CYREN: variants seen among roughly 807,000 people sequenced by gnomAD.
CYREN encodes the protein cell cycle regulator of non-homologous end joining.
A neutral mutation model predicts 9.7 loss-of-function variants in CYREN; 7 were observed. The ratio of observed to expected loss-of-function variants is 0.72; its 90% CI spans 0.41 to 1.36. The LOEUF (loss-of-function observed/expected upper bound fraction) is 1.36, where lower values mean the gene tolerates loss of function less well. Ranked by LOEUF, CYREN falls within the 40% of genes most tolerant of loss-of-function variation. The pLI is 0.01. For synonymous variants in CYREN, 76 were observed against 77.9 expected (o/e 0.98, Z 0.13); for missense variants, 215 against 198.1 (o/e 1.09, Z -0.51).
intron 2 of CYREN, among the ~76,000 whole-genome samples, chr7:135,103,269 A>G (rs1824125101): frequency 6.6e-6 from 1 of 152,128 alleles, no homozygotes; most frequent in African/African-American, 2.4e-5. Context: ...ACTGCAGCAA[A>G]AAGAAATCAA....
chr7:135,171,093 G>A (rs969388873), upstream of CYREN, among the ~76,000 whole-genome samples: 67 of 152,280 alleles, frequency 4.4e-4, 1 homozygote, highest in African/African-American at 1.5e-3. Flanking sequence ...GAGGAGGATG[G>A]GAGCCCGGCC....
At chr7:135,159,253 A>T (rs148248986) in intron 2 of CYREN, among the ~76,000 whole-genome samples, 1 of 152,358 alleles carries the variant, frequency 6.6e-6, no homozygotes, top group East Asian at 1.9e-4. Flanking sequence ...ACCATGGTGG[A>T]GGCACATACT....
chr7:135,129,934 A>T (rs939952602), intron 2 of CYREN, among the ~76,000 whole-genome samples: 2 of 152,230 alleles, frequency 1.3e-5, no homozygotes, highest in Non-Finnish European at 2.9e-5. Flanking sequence ...CAGAATATTA[A>T]ATATTATAAT....
At chr7:135,167,550 G>A (rs1029604281) in intron 3 of CYREN, 182 bp downstream of exon 3, 24 of 1,429,938 alleles carry the variant, frequency 1.7e-5, no homozygotes, top group Middle Eastern at 5.2e-4. Context: ...GACACCCCAC[G>A]AGCGCACACC....
intron 2 of CYREN, among the ~76,000 whole-genome samples, chr7:135,141,003 T>G (rs554789843): frequency 6.6e-6 from 1 of 152,242 alleles, no homozygotes; most frequent in African/African-American, 2.4e-5. Context: ...TCAAGGATAT[T>G]GACCTGAAGT....
At chr7:135,094,425 C>G (rs1271027849) in exon 3 of CYREN, 1 of 456,648 alleles carries the variant, frequency 2.2e-6, no homozygotes, top group Non-Finnish European at 4.4e-6. Flanking sequence ...AACACTTAAA[C>G]AGTGATTTTA....
chr7:135,128,524 G>A (rs1828274084), intron 2 of CYREN: 5 of 763,302 alleles, frequency 6.6e-6, no homozygotes, highest in Non-Finnish European at 1.2e-5. Context: ...TAGAAAAGCA[G>A]TCTGTCCAAG....
chr7:135,109,709 GAAGAGA>G (rs1825330516), intron 2 of CYREN, among the ~76,000 whole-genome samples: 1 of 152,198 alleles, frequency 6.6e-6, no homozygotes, highest in African/African-American at 2.4e-5. Flanking sequence ...TCCTCCCAGT[GAAGAGA>G]AATGGGATCC....
rs1227568366 is a variant in CYREN at position 135,167,355 on chromosome 7, T to G, written c.213+377A>C. 4 of 1,094,094 alleles carry G rather than the reference T, an allele frequency of 3.7e-6. No individual in the cohort carries two copies. The African/African-American group carries it at 6.6e-5, about 18-fold the overall frequency. The allele number at this position is 1,094,094 out of a possible 1,614,324, so 67.8% of individuals were successfully genotyped here. On this transcript the variant is annotated intron_variant, in intron 3 of 3. Coordinates refer to ENST00000393114, the MANE Select transcript of CYREN (RefSeq NM_024033.4). ...CTGCAGGAAGCTAGGAAGCTCAGCA[T>G]CCTCTGCTCAGGAGAGGGGCAATGG...
intron 2 of CYREN, among the ~76,000 whole-genome samples, chr7:135,126,151 TCTC>T (rs1827837700): frequency 6.6e-6 from 1 of 152,090 alleles, no homozygotes; most frequent in African/African-American, 2.4e-5. Context: ...AACCCCAACA[TCTC>T]AGCCCCAAAA....
At chr7:135,147,448 T>G (rs1384523558) in intron 2 of CYREN, among the ~76,000 whole-genome samples, 1 of 152,198 alleles carries the variant, frequency 6.6e-6, no homozygotes, top group Non-Finnish European at 1.5e-5. Flanking sequence ...AGTTGAAATT[T>G]CCAGTTGGTC....
intron 2 of CYREN, among the ~76,000 whole-genome samples, chr7:135,126,689 G>C (rs1562902567): frequency 6.6e-6 from 1 of 152,010 alleles, no homozygotes; most frequent in African/African-American, 2.4e-5. Context: ...CAATGCAACA[G>C]AACGGAGACC....
At chr7:135,111,547 AG>A (rs747900195) in intron 2 of CYREN, among the ~76,000 whole-genome samples, 44 of 151,962 alleles carry the variant, frequency 2.9e-4, no homozygotes, top group East Asian at 1.4e-3. Context: ...AATAAACCCA[AG>A]ACTTATCCTA....
chr7:135,099,415 A>G (rs1823422451), intron 2 of CYREN, among the ~76,000 whole-genome samples: 1 of 152,230 alleles, frequency 6.6e-6, no homozygotes, highest in Non-Finnish European at 1.5e-5. Flanking sequence ...GATAAGCTCA[A>G]TTAAACTAGC....
intron 2 of CYREN, among the ~76,000 whole-genome samples, chr7:135,103,309 G>A (rs1446521668): frequency 4.6e-5 from 7 of 151,914 alleles, no homozygotes; most frequent in Admixed American, 4.6e-4. Flanking sequence ...AGGTTTAAGA[G>A]GGAGTTCCTT....
chr7:135,146,922 T>A (rs1290750616), intron 2 of CYREN, among the ~76,000 whole-genome samples: 2 of 152,186 alleles, frequency 1.3e-5, no homozygotes, highest in African/African-American at 4.8e-5. Context: ...TAAATATAAA[T>A]ATGTTTCTAT....
At chr7:135,121,267 A>G (rs140369615) in intron 2 of CYREN, among the ~76,000 whole-genome samples, 6 of 152,252 alleles carry the variant, frequency 3.9e-5, no homozygotes, top group Non-Finnish European at 8.8e-5. Flanking sequence ...GATAAAACAG[A>G]AAGGAGAAAT....
At chr7:135,168,614 G>C in intron 2 of CYREN, 172 bp downstream of exon 2, 4 of 1,033,528 alleles carry the variant, frequency 3.9e-6, no homozygotes, top group Non-Finnish European at 5.5e-6. Context: ...GGGTTAACCC[G>C]CTTTGCCTCC....
chr7:135,100,296 C>A (rs1823632467), intron 2 of CYREN, among the ~76,000 whole-genome samples: 2 of 151,876 alleles, frequency 1.3e-5, no homozygotes, highest in South Asian at 4.2e-4. Flanking sequence ...GAGCACTGGT[C>A]ATGGGGGGAT....
Sources: allele counts gnomAD v4.1 joint callset (sites outside exome capture counted in the v4.1 genomes callset), GRCh38; gene constraint gnomAD v4.1.1; transcripts MANE v1.5; gene names NCBI Gene and HGNC (gene_info 2026-07-23, HGNC 2026-07-21).